Variants in ATL2 observed in about 807,000 individuals in gnomAD.
ATL2 encodes the protein atlastin-2.
Under a neutral mutation model 73.9 loss-of-function variants are expected in ATL2, and 31 were observed. The observed-to-expected ratio is 0.42, with a 90% CI of 0.32 to 0.57. The LOEUF is 0.57. ATL2 is among the 20% of genes least tolerant of loss of function. The pLI is 0.14. For synonymous variants in ATL2, 291 were observed against 237.5 expected (o/e 1.23, Z -2.07); for missense variants, 738 against 702.6 (o/e 1.05, Z -0.57).
intron 9 of ATL2, among the ~76,000 whole-genome samples, chr2:38,302,571 G>A (rs1288348570): frequency 6.6e-6 from 1 of 152,166 alleles, no homozygotes; most frequent in Admixed American, 6.5e-5. Flanking sequence ...GGCCACAATG[G>A]TGCTTGTGTC....
At chr2:38,325,620 CAGTACATACACACACACA>C (rs1160797315) in intron 2 of ATL2, among the ~76,000 whole-genome samples, 1 of 115,218 alleles carries the variant, frequency 8.7e-6, no homozygotes, top group East Asian at 2.4e-4. Flanking sequence ...ACACACACAC[CAGTACATACACACACACA>C]CACACACACA....
At chr2:38,305,713 A>T (rs969595360) in intron 9 of ATL2, among the ~76,000 whole-genome samples, 3 of 152,164 alleles carry the variant, frequency 2.0e-5, no homozygotes, top group African/African-American at 7.2e-5. Context: ...TTAAGAAAGA[A>T]ATAAACACAT....
chr2:38,307,966 A>C (rs1428740824), intron 9 of ATL2, among the ~76,000 whole-genome samples: 1 of 152,140 alleles, frequency 6.6e-6, no homozygotes, highest in Non-Finnish European at 1.5e-5. Flanking sequence ...AAATGTTGGC[A>C]AGGATGTAGA....
chr2:38,347,153 C>T (rs1169749330), intron 1 of ATL2, among the ~76,000 whole-genome samples: 2 of 152,156 alleles, frequency 1.3e-5, no homozygotes, highest in East Asian at 3.8e-4. Context: ...AGAAAATAGA[C>T]AAACAAAAGA....
intron 9 of ATL2, among the ~76,000 whole-genome samples, chr2:38,303,057 C>T (rs1477451289): frequency 6.6e-6 from 1 of 152,074 alleles, no homozygotes; most frequent in Non-Finnish European, 1.5e-5. Flanking sequence ...TTTGAGGAAA[C>T]TCAAAGAAAT....
intron 2 of ATL2, among the ~76,000 whole-genome samples, chr2:38,324,541 T>G (rs1230617595): frequency 1.3e-5 from 2 of 152,164 alleles, no homozygotes; most frequent in African/African-American, 4.8e-5. Context: ...ACATTTAACT[T>G]TAAAACAGTT....
intron 2 of ATL2, among the ~76,000 whole-genome samples, chr2:38,332,923 C>T (rs1483579106): frequency 6.6e-6 from 1 of 152,114 alleles, no homozygotes; most frequent in Non-Finnish European, 1.5e-5. Flanking sequence ...GGCTCAATGG[C>T]ACATGTCTTG....
chr2:38,371,602 A>G (rs1671693209), intron 1 of ATL2, among the ~76,000 whole-genome samples: 1 of 152,102 alleles, frequency 6.6e-6, no homozygotes, highest in Non-Finnish European at 1.5e-5. Context: ...TTACAGAAAA[A>G]CATTACAGAC....
chr2:38,333,179 A>C (rs534588650), intron 2 of ATL2, among the ~76,000 whole-genome samples: 3 of 152,138 alleles, frequency 2.0e-5, no homozygotes, highest in South Asian at 4.2e-4. Flanking sequence ...GCTGGGCTAA[A>C]AAGTGAGGCC....
intron 1 of ATL2, among the ~76,000 whole-genome samples, chr2:38,368,147 G>A (rs1671454248): frequency 6.6e-6 from 1 of 150,888 alleles, no homozygotes; most frequent in South Asian, 2.1e-4. Context: ...TGTTAGCCAG[G>A]ATGGCCTCTA....
rs574246150 is a variant in ATL2, at chr2:38,377,199, C to G, written c.62G>C (p.Arg21Pro). 2 of 1,609,946 alleles carry G rather than the reference C, an allele frequency of 1.2e-6. No homozygotes were observed. The highest frequency in any genetic ancestry group is 1.7e-5 in the Admixed American group (1 of 59,800). Reference sequence around the variant, plus strand: ...CGCGGCGCTTGGGTCGCTGGTCCGTCGCCGGCGCCACAGCCCCTGGTGCGG... The same window carrying G: ...CGCGGCGCTTGGGTCGCTGGTCCGTGGCCGGCGCCACAGCCCCTGGTGCGG... ...QQPHQGLWRR[R>P]RTSDPSAAVN... The change falls in exon 1 of 13, where the codon CGA becomes CCA. Residue 21 changes from arginine (R) to proline (P), a missense_variant. Coordinates refer to ENST00000378954, the MANE Select transcript of ATL2 (RefSeq NM_001135673.4).
chr2:38,357,904 A>G (rs2124458364), intron 1 of ATL2, among the ~76,000 whole-genome samples: 1 of 152,318 alleles, frequency 6.6e-6, no homozygotes, highest in South Asian at 2.1e-4. Context: ...CATTTTAAAA[A>G]TAAGAAAAAC....
chr2:38,319,530 T>C (rs544862065), intron 2 of ATL2, among the ~76,000 whole-genome samples: 119 of 147,894 alleles, frequency 8.0e-4, no homozygotes, highest in Non-Finnish European at 1.4e-3. Flanking sequence ...ACCTGGGAGG[T>C]TGAGGCTACA....
At chr2:38,328,483 C>G (rs922654185) in intron 2 of ATL2, among the ~76,000 whole-genome samples, 12 of 152,076 alleles carry the variant, frequency 7.9e-5, no homozygotes, top group Admixed American at 1.3e-4. Context: ...TGCTCTCATA[C>G]CACAACAGAA....
At chr2:38,354,094 A>C (rs978080529) in intron 1 of ATL2, 2 of 381,378 alleles carry the variant, frequency 5.2e-6, no homozygotes, top group African/African-American at 4.5e-5. Flanking sequence ...TGGGAGGCTG[A>C]GGCAGAGGAA....
chr2:38,306,346 T>C (rs924578519), intron 9 of ATL2, among the ~76,000 whole-genome samples: 2 of 152,186 alleles, frequency 1.3e-5, no homozygotes, highest in African/African-American at 4.8e-5. Context: ...TACTCAACTA[T>C]TCCAAAAACC....
At chr2:38,342,867 C>T (rs1669803236) in intron 2 of ATL2, among the ~76,000 whole-genome samples, 1 of 151,418 alleles carries the variant, frequency 6.6e-6, no homozygotes, top group Non-Finnish European at 1.5e-5. Context: ...AGAGCTCAAA[C>T]TTACATTACT....
chr2:38,343,147 A>AT lies in ATL2; in HGVS notation c.363+120dup, dbSNP rs1553338188. 1.4e-4 allele frequency: 112 copies of AT among 820,966 alleles called. No homozygotes were observed. The African/African-American group carries it at 1.6e-3, about 11-fold the overall frequency. The allele number at this position is 820,966 out of a possible 1,614,324, so 50.9% of individuals were successfully genotyped here. A position where few individuals can be genotyped will look rare whatever the true frequency, so the allele number is the denominator to read the frequency against. On this transcript the variant is annotated intron_variant, in intron 2 of 12. Coordinates refer to ENST00000378954, the MANE Select transcript of ATL2 (RefSeq NM_001135673.4). Reference sequence around the variant, plus strand: ...TGGGTAACAGAGTGAGACCACTTAAATTAAAAAAAAAAAAAAAAAAAAAAA... The same window carrying AT: ...TGGGTAACAGAGTGAGACCACTTAAATTTAAAAAAAAAAAAAAAAAAAAAAA...
chr2:38,322,176 T>C (rs1007195838), intron 2 of ATL2, among the ~76,000 whole-genome samples: 20 of 149,924 alleles, frequency 1.3e-4, no homozygotes, highest in African/African-American at 5.1e-4. Context: ...GAGAATCTCA[T>C]TCCCCCACAA....
Sources: allele counts gnomAD v4.1 joint callset (sites outside exome capture counted in the v4.1 genomes callset), GRCh38; gene constraint gnomAD v4.1.1; transcripts MANE v1.5; gene names NCBI Gene and HGNC (gene_info 2026-07-23, HGNC 2026-07-21).